FGD4: variants seen among roughly 807,000 people sequenced by gnomAD.
FGD4 encodes FYVE, RhoGEF and PH domain containing 4.
In FGD4, 42 loss-of-function variants were observed where a neutral mutation model predicts 102.0. That is an observed-to-expected ratio of 0.41 (90% CI 0.32 to 0.53). The LOEUF is 0.53. FGD4 is among the 20% of genes least tolerant of loss of function. FGD4 has a pLI of 0.21. For synonymous variants in FGD4, 380 were observed against 375.7 expected, an observed-to-expected ratio of 1.01 and a Z score of -0.13; for missense variants, 902 against 1,078.2, an observed-to-expected ratio of 0.84 and a Z score of 2.29.
chr12:32,465,023 T>C (rs1259395513), intron 1 of FGD4, among the ~76,000 whole-genome samples: 1 of 152,022 alleles, frequency 6.6e-6, no homozygotes, highest in East Asian at 1.9e-4. Context: ...CAGAGAAGAG[T>C]AGTGGCTATA....
chr12:32,624,443 A>G lies in FGD4; in HGVS notation c.1944A>G (p.Glu648=). 1 of 1,602,288 alleles carries G rather than the reference A, an allele frequency of 6.2e-7. No homozygotes were observed. The highest frequency in any genetic ancestry group is 8.5e-7 in the Non-Finnish European group (1 of 1,171,612). ...LQASSAQDKE[E]WIKALQETID... is the part of the protein sequence containing the mutation. Reference sequence around the variant, plus strand: ...TTAGTTCTGCGCAAGACAAAGAAGAATGGATCAAGGTAAGCCTCATTTCTG... The same window carrying G: ...TTAGTTCTGCGCAAGACAAAGAAGAGTGGATCAAGGTAAGCCTCATTTCTG... The change falls in exon 12 of 17, where the codon GAA becomes GAG. Residue 648 remains glutamate, a synonymous_variant. Coordinates refer to ENST00000534526, the MANE Select transcript of FGD4 (RefSeq NM_001370298.3).
chr12:32,552,086 C>T (rs1323107478), intron 1 of FGD4, among the ~76,000 whole-genome samples: 1 of 152,212 alleles, frequency 6.6e-6, no homozygotes, highest in Admixed American at 6.5e-5. Flanking sequence ...GTCTGCGAAC[C>T]TCCTCCAGCT....
At chr12:32,415,703 A>C (rs1941385673) in intron 1 of FGD4, among the ~76,000 whole-genome samples, 1 of 152,116 alleles carries the variant, frequency 6.6e-6, no homozygotes, top group African/African-American at 2.4e-5. Context: ...ACCAGGCGTG[A>C]GCCACCGCGC....
In FGD4 at chr12:32,480,975, A is replaced by G. The variant is rs1468439558; in HGVS notation, c.166+81016A>G. ...TGCATGGCCACACCCGGCCAATGTA[A>G]AAATAATTGTGTGTGTATGCATGCT... On this transcript the variant is annotated intron_variant, in intron 1 of 16. Transcript: ENST00000534526. Among the ~76,000 whole-genome samples the G allele has an allele frequency of 2.0e-5, 3 of 151,320 alleles. No homozygotes were observed. In the East Asian group the frequency reaches 5.8e-4, roughly 29 times the overall value.
chr12:32,474,126 A>G (rs560637612), intron 1 of FGD4, among the ~76,000 whole-genome samples: 5 of 152,058 alleles, frequency 3.3e-5, no homozygotes, highest in Non-Finnish European at 5.9e-5. Context: ...CTGTGGAGAA[A>G]TCAGAGCCCT....
At chr12:32,580,477 C>A (rs1200198431) in intron 3 of FGD4, among the ~76,000 whole-genome samples, 2 of 152,178 alleles carry the variant, frequency 1.3e-5, no homozygotes, top group East Asian at 3.8e-4. Flanking sequence ...AGTCTGCAAC[C>A]TCACCGAGTT....
chr12:32,509,463 G>GA (rs1323088373), intron 1 of FGD4, among the ~76,000 whole-genome samples: 1 of 151,716 alleles, frequency 6.6e-6, no homozygotes, highest in Admixed American at 6.6e-5. Context: ...ACTAATAAAT[G>GA]AAAAAAATTC....
At chr12:32,524,982 G>A (rs1940991145) in intron 1 of FGD4, among the ~76,000 whole-genome samples, 1 of 152,194 alleles carries the variant, frequency 6.6e-6, no homozygotes, top group Admixed American at 6.5e-5. Context: ...TAAGTTGTGT[G>A]TTTATGTATA....
Position 32,400,742 on chromosome 12 carries a change from A to T in FGD4, c.166+783A>T, listed in dbSNP as rs563361324. Among the ~76,000 whole-genome samples the T allele has an allele frequency of 3.3e-5, 5 of 152,346 alleles. No homozygotes were observed. In the South Asian group the frequency reaches 8.3e-4, roughly 25 times the overall value. On this transcript the variant is annotated intron_variant, in intron 1 of 16. Transcript: ENST00000534526. ...CCCTCCCCTCCTTTATGCGGTAACCAGAGGTGTCTGGTATGTAGACCAGCT... is the reference window on the plus strand; with the variant it reads ...CCCTCCCCTCCTTTATGCGGTAACCTGAGGTGTCTGGTATGTAGACCAGCT...
intron 1 of FGD4, among the ~76,000 whole-genome samples, chr12:32,561,069 G>GTTTTTTTTT (rs1565841408): frequency 1.3e-4 from 12 of 92,010 alleles, no homozygotes; most frequent in African/African-American, 2.7e-4. Flanking sequence ...TTCTTTGTTG[G>GTTTTTTTTT]GTTTTGTTTT....
chr12:32,503,504 A>G (rs974201441), intron 1 of FGD4, among the ~76,000 whole-genome samples: 1 of 152,218 alleles, frequency 6.6e-6, no homozygotes, highest in Non-Finnish European at 1.5e-5. Flanking sequence ...CTTCAAGAAC[A>G]GGTTTTTAGG....
chr12:32,638,465 A>G (rs1040435458), intron 15 of FGD4, among the ~76,000 whole-genome samples, 190 bp from the exon 16 acceptor site: 2 of 152,232 alleles, frequency 1.3e-5, no homozygotes, highest in African/African-American at 2.4e-5. Flanking sequence ...TTTAAATTCA[A>G]GGTCTAGTTA....
chr12:32,482,708 T>C (rs1943798482), intron 1 of FGD4, among the ~76,000 whole-genome samples: 2 of 152,196 alleles, frequency 1.3e-5, no homozygotes. Context: ...TAAAAATTTT[T>C]AAGTTTTGAG....
intron 1 of FGD4, among the ~76,000 whole-genome samples, chr12:32,439,989 G>T (rs138590617): frequency 8.4e-4 from 128 of 152,212 alleles, no homozygotes; most frequent in African/African-American, 3.0e-3. Context: ...ACTTCTGCAT[G>T]ATTCTTTTTA....
At chr12:32,475,156 A>G (rs1487839495) in intron 1 of FGD4, among the ~76,000 whole-genome samples, 3 of 152,048 alleles carry the variant, frequency 2.0e-5, no homozygotes, top group African/African-American at 4.8e-5. Context: ...TCCATCCCCT[A>G]GGCTCTTGGC....
chr12:32,523,035 G>A (rs1269272024), intron 1 of FGD4, among the ~76,000 whole-genome samples: 1 of 152,192 alleles, frequency 6.6e-6, no homozygotes, highest in Non-Finnish European at 1.5e-5. Context: ...CATTTAGGAA[G>A]GAGAGCATGA....
At chr12:32,400,738 A>G (rs927324829) in intron 1 of FGD4, among the ~76,000 whole-genome samples, 1 of 152,216 alleles carries the variant, frequency 6.6e-6, no homozygotes, top group Admixed American at 6.5e-5. Flanking sequence ...TTTATGCGGT[A>G]ACCAGAGGTG....
chr12:32,600,593 T>TTTCTTTC, intron 5 of FGD4: 2 of 187,084 alleles, frequency 1.1e-5, no homozygotes, highest in East Asian at 1.7e-4. Context: ...TCTTTCTTTC[T>TTTCTTTC]TTTTTTTTTT....
At chr12:32,419,350 C>G (rs1053319194) in intron 1 of FGD4, among the ~76,000 whole-genome samples, 1 of 152,216 alleles carries the variant, frequency 6.6e-6, no homozygotes, top group Non-Finnish European at 1.5e-5. Context: ...GGTATACTAC[C>G]TGGATAGTGC....
Sources: gnomAD v4.1 joint callset for allele counts (sites outside exome capture counted in the v4.1 genomes callset) on GRCh38, gnomAD v4.1.1 for gene constraint, MANE v1.5 for transcripts, NCBI Gene and HGNC (gene_info 2026-07-23, HGNC 2026-07-21) for gene names.